The following CD99 variants were observed in gnomAD, a reference collection of about 807,000 sequenced individuals.
CD99 encodes CD99 molecule (Xg blood group).
A neutral mutation model predicts 28.4 loss-of-function variants in CD99; 19 were observed. The ratio of observed to expected loss-of-function variants is 0.67; its 90% CI spans 0.47 to 0.98. The LOEUF is 0.98. Ranked by LOEUF, CD99 falls within the 50% of genes least tolerant of loss-of-function variation. The pLI, the probability that CD99 is intolerant of heterozygous loss-of-function variation, is 0.00. For synonymous variants in CD99, 103 were observed against 92.1 expected (o/e 1.12, Z -0.67); for missense variants, 283 against 248.8 (o/e 1.14, Z -0.92).
chrX:2,707,679 T>C (rs370087430), intron 1 of CD99, among the ~76,000 whole-genome samples: 1,933 of 152,158 alleles, frequency 0.013, 43 homozygotes, highest in African/African-American at 0.044. Flanking sequence ...GCAGTGGCAG[T>C]TGGGGGTTCT....
intron 2 of CD99, among the ~76,000 whole-genome samples, chrX:2,716,714 A>G (rs1346606788): frequency 6.6e-6 from 1 of 152,158 alleles, no homozygotes; most frequent in Non-Finnish European, 1.5e-5. Context: ...GTTTGAGCGG[A>G]AACAGTGCTG....
At chrX:2,726,644 A>G (rs1217814843) in intron 8 of CD99, among the ~76,000 whole-genome samples, 3 of 152,066 alleles carry the variant, frequency 2.0e-5, no homozygotes, top group Non-Finnish European at 4.4e-5. Flanking sequence ...TGGTTGGTAC[A>G]TATGCCGCGG....
chrX:2,727,108 G>T (rs185342779), intron 8 of CD99, among the ~76,000 whole-genome samples: 200 of 152,312 alleles, frequency 1.3e-3, no homozygotes, highest in Non-Finnish European at 2.3e-3. Context: ...CTGCACTCCA[G>T]CCTGGGCGAC....
rs768300132 is a variant in CD99, at chrX:2,726,468, G to A, written c.475+95G>A. On this transcript the variant is annotated intron_variant, in intron 8 of 9. Transcript: ENST00000381192. ...GCAGAAACCAAACTCGGGCTGGCAC[G>A]AAACAGGTGCACGATGGCTGATGGT... The A allele has an allele frequency of 4.1e-5, 33 of 808,524 alleles. No homozygotes were observed. The East Asian group carries it at 4.4e-4, about 11-fold the overall frequency. The allele number at this position is 808,524 out of a possible 1,614,324, so 50.1% of individuals were successfully genotyped here.
chrX:2,699,457 C>A (rs982460163), intron 1 of CD99, among the ~76,000 whole-genome samples: 1 of 149,162 alleles, frequency 6.7e-6, no homozygotes, highest in African/African-American at 2.5e-5. Context: ...TGTGAGCCAC[C>A]GCGCCCAGCC....
intron 1 of CD99, among the ~76,000 whole-genome samples, chrX:2,707,628 C>T (rs1321151817): frequency 6.6e-6 from 1 of 152,176 alleles, no homozygotes; most frequent in Non-Finnish European, 1.5e-5. Flanking sequence ...ATTACCCTGT[C>T]CCGGAAACAT....
At chrX:2,740,680 C>A in intron 9 of CD99, 99 bp from the exon 10 acceptor site, 1 of 1,212,106 alleles carries the variant, frequency 8.3e-7, no homozygotes, top group Non-Finnish European at 1.2e-6. Context: ...TTTTCTTATG[C>A]AGAAATAAAA....
At chrX:2,700,039 C>T (rs193088460) in intron 1 of CD99, among the ~76,000 whole-genome samples, 228 of 152,234 alleles carry the variant, frequency 1.5e-3, no homozygotes, top group African/African-American at 5.2e-3. Context: ...ACATGGTCAG[C>T]ATGGGGAAAA....
intron 6 of CD99, among the ~76,000 whole-genome samples, chrX:2,722,989 A>G (rs2049076054): frequency 2.0e-5 from 3 of 152,178 alleles, no homozygotes; most frequent in Admixed American, 6.5e-5. Context: ...TGTTCTTGCA[A>G]ATAACTAGTG....
chrX:2,698,897 T>G (rs2047703455), intron 1 of CD99, among the ~76,000 whole-genome samples: 1 of 151,850 alleles, frequency 6.6e-6, no homozygotes, highest in South Asian at 2.1e-4. Context: ...GTTACCTGGG[T>G]AGTCTGGTTT....
intron 7 of CD99, among the ~76,000 whole-genome samples, chrX:2,724,427 A>G (rs959133707): frequency 1.3e-5 from 2 of 151,416 alleles, no homozygotes; most frequent in Admixed American, 6.6e-5. Context: ...AGAAGATTCT[A>G]TCTGGAGAAG....
At chrX:2,729,690 AGAATT>A (rs1180897230) in intron 8 of CD99, among the ~76,000 whole-genome samples, 3 of 152,194 alleles carry the variant, frequency 2.0e-5, no homozygotes, top group Non-Finnish European at 4.4e-5. Flanking sequence ...ATTTTGAAAT[AGAATT>A]GGGAAAAGGA....
chrX:2,722,566 A>C (rs1004492246), intron 5 of CD99, 61 bp from the exon 6 acceptor site: 3 of 1,467,558 alleles, frequency 2.0e-6, no homozygotes, highest in Non-Finnish European at 1.9e-6. Flanking sequence ...CTTTATTCTA[A>C]GACATGAAGA....
At chrX:2,719,464 T>C in intron 3 of CD99, 197 bp from the exon 4 acceptor site, 1 of 645,640 alleles carries the variant, frequency 1.5e-6, no homozygotes, top group South Asian at 2.0e-5. Flanking sequence ...CTCTGTTTTT[T>C]CCTCTTTTTA....
chrX:2,717,510 G>A (rs2048786704), intron 2 of CD99, 95 bp from the exon 3 acceptor site: 2 of 1,026,026 alleles, frequency 1.9e-6, no homozygotes, highest in Non-Finnish European at 3.1e-6. Context: ...TTCTCCGACT[G>A]TTTCCAAGAA....
At chrX:2,715,584 T>C (rs1483935003) in intron 2 of CD99, 1 of 152,262 alleles carries the variant, frequency 6.6e-6, no homozygotes, top group East Asian at 1.9e-4. Flanking sequence ...GATCCTTCTC[T>C]TAAGCACATC....
At position 2,738,585 on chromosome X, in the gene CD99, TGTG is replaced by T. The variant is rs755742754; in HGVS notation, c.532+337_532+339del. ...TACTAAAAATACAAAATTAGCTGAG[TGTG>T]GTGGTGGGCGCCTGTAATCCCAGCT... On this transcript the variant is annotated intron_variant, in intron 9 of 9. Transcript: ENST00000381192. Among the ~76,000 whole-genome samples, 6 of 151,678 alleles carry T rather than the reference TGTG, an allele frequency of 4.0e-5. No homozygotes were observed. The East Asian group carries it at 1.2e-3, about 30-fold the overall frequency.
At chrX:2,703,540 G>A (rs927030182) in intron 1 of CD99, among the ~76,000 whole-genome samples, 17 of 151,578 alleles carry the variant, frequency 1.1e-4, no homozygotes, top group African/African-American at 3.9e-4. Context: ...TTCAGTGTTC[G>A]CTGAGACTTT....
chrX:2,720,598 C>G (rs2048945516), intron 5 of CD99, 174 bp downstream of exon 5: 1 of 146,484 alleles, frequency 6.8e-6, no homozygotes, highest in Non-Finnish European at 1.4e-5. Flanking sequence ...ATATATTTAG[C>G]TTGGATTTTA....
Sources: gnomAD v4.1 joint callset for allele counts (sites outside exome capture counted in the v4.1 genomes callset) on GRCh38, gnomAD v4.1.1 for gene constraint, MANE v1.5 for transcripts, NCBI Gene and HGNC (gene_info 2026-07-23, HGNC 2026-07-21) for gene names.